The following GRAMD1C variants were observed in gnomAD, a reference collection of about 807,000 sequenced individuals.
GRAMD1C encodes GRAM domain containing 1C.
In GRAMD1C, 89 loss-of-function variants were observed where a neutral mutation model predicts 97.8. The ratio of observed to expected loss-of-function variants is 0.91; its 90% CI spans 0.77 to 1.09. GRAMD1C has a LOEUF of 1.09. GRAMD1C is among the 50% of genes least tolerant of loss of function. The probability of loss-of-function intolerance (pLI) is 0.00; values close to 1 mark genes in which losing one functional copy is unlikely to be tolerated. For synonymous variants in GRAMD1C, 256 were observed against 267.0 expected, an observed-to-expected ratio of 0.96 and a Z score of 0.40; for missense variants, 740 against 766.4, an observed-to-expected ratio of 0.97 and a Z score of 0.41.
intron 2 of GRAMD1C, among the ~76,000 whole-genome samples, chr3:113,861,229 A>G (rs1934363818): frequency 6.6e-6 from 1 of 152,208 alleles, no homozygotes; most frequent in Admixed American, 6.5e-5. Context: ...AGCTAAAACT[A>G]AAACTCTTAG....
intron 6 of GRAMD1C, among the ~76,000 whole-genome samples, chr3:113,892,646 C>T (rs1373223439): frequency 1.3e-5 from 2 of 152,156 alleles, no homozygotes; most frequent in African/African-American, 2.4e-5. Context: ...AGCGCTTCAG[C>T]TTAGTTCACA....
At chr3:113,937,662 T>C (rs1241012457) in intron 14 of GRAMD1C, among the ~76,000 whole-genome samples, 1 of 152,244 alleles carries the variant, frequency 6.6e-6, no homozygotes, top group African/African-American at 2.4e-5. Flanking sequence ...TCTTTACAAA[T>C]AATTTTTAAA....
At position 113,885,555 on chromosome 3, in the gene GRAMD1C, C is replaced by A; in HGVS notation, c.540+2723C>A. On this transcript the variant is annotated intron_variant, in intron 6 of 17. Coordinates refer to ENST00000358160, the MANE Select transcript of GRAMD1C (RefSeq NM_017577.5). Reference sequence around the variant, plus strand: ...ATGGGGTCCTGAGGCCGCAGTCCGGCCTGTTAGGCCTCCTGACTTCATCCT... The same window carrying A: ...ATGGGGTCCTGAGGCCGCAGTCCGGACTGTTAGGCCTCCTGACTTCATCCT... 5 of 1,581,280 alleles carry A rather than the reference C, an allele frequency of 3.2e-6. No homozygotes were observed. The South Asian group carries it at 4.4e-5, about 14-fold the overall frequency.
chr3:113,870,006 G>C (rs1934733285), intron 3 of GRAMD1C, among the ~76,000 whole-genome samples: 1 of 152,102 alleles, frequency 6.6e-6, no homozygotes, highest in Non-Finnish European at 1.5e-5. Flanking sequence ...GGCACAAGAA[G>C]ACAGATATCC....
intron 10 of GRAMD1C, among the ~76,000 whole-genome samples, chr3:113,918,313 A>G (rs925275327): frequency 3.3e-5 from 5 of 152,310 alleles, no homozygotes; most frequent in African/African-American, 1.2e-4. Context: ...TTGATATTTC[A>G]GAAGAACTGG....
intron 2 of GRAMD1C, among the ~76,000 whole-genome samples, chr3:113,853,803 C>A (rs547281162): frequency 1.3e-5 from 2 of 152,018 alleles, no homozygotes. Context: ...GAGGGAGTAG[C>A]ATTTTTAGTT....
At chr3:113,897,544 G>C (rs1231888735) in intron 6 of GRAMD1C, 5 of 983,890 alleles carry the variant, frequency 5.1e-6, no homozygotes, top group Non-Finnish European at 6.0e-6. Flanking sequence ...CTACAACCAG[G>C]AAGTGACAGA....
At chr3:113,913,090 A>G (rs1428120998) in intron 9 of GRAMD1C, 4 of 1,279,158 alleles carry the variant, frequency 3.1e-6, no homozygotes, top group Admixed American at 2.3e-5. Context: ...CTGGGCATGG[A>G]TTAGTCATAC....
At chr3:113,885,825 A>C (rs1289709119) in intron 6 of GRAMD1C, 73 of 1,611,272 alleles carry the variant, frequency 4.5e-5, no homozygotes, top group Non-Finnish European at 6.0e-5. Flanking sequence ...TGTGGTCCAC[A>C]GTGACCTCTC....
At chr3:113,900,681 C>G (rs1936135756) in intron 6 of GRAMD1C, among the ~76,000 whole-genome samples, 1 of 151,774 alleles carries the variant, frequency 6.6e-6, no homozygotes, top group Non-Finnish European at 1.5e-5. Flanking sequence ...CTGCCTCAGC[C>G]TCCCAAAGTG....
At chr3:113,901,409 G>C (rs1936166567) in intron 7 of GRAMD1C, among the ~76,000 whole-genome samples, 1 of 152,166 alleles carries the variant, frequency 6.6e-6, no homozygotes, top group African/African-American at 2.4e-5. Context: ...TGTTTATTAA[G>C]GATCTGGAGA....
chr3:113,833,494 C>T (rs112100232), intron 1 of GRAMD1C, among the ~76,000 whole-genome samples: 2,696 of 152,124 alleles, frequency 0.018, 74 homozygotes, highest in African/African-American at 0.059. Context: ...CCCACCAACA[C>T]CTGCCCAAGG....
chr3:113,934,517 G>T lies in GRAMD1C; in HGVS notation c.1438G>T (p.Asp480Tyr). ...AAAGAATTCCTGGAGTTCTTTGGAG[G>T]ACTATTTCAAACAGCTTGGTTTGTA... ...IEKNSWSSLE[D>Y]YFKQLESDLL... The change falls in exon 13 of 18, where the codon GAC becomes TAC. Residue 480 changes from aspartate (D) to tyrosine (Y), a missense_variant. Coordinates refer to ENST00000358160, the MANE Select transcript of GRAMD1C (RefSeq NM_017577.5). The T allele has an allele frequency of 6.5e-7, 1 of 1,543,398 alleles. No individual in the cohort carries two copies. Among genetic ancestry groups the T allele is most frequent in the Non-Finnish European group, 8.9e-7 (1 of 1,125,562 alleles).
rs575834449 is a variant in GRAMD1C, at chr3:113,878,568, G to A, written c.459+2308G>A. 2.0e-5 allele frequency among the ~76,000 whole-genome samples: 3 copies of A among 152,152 alleles called. No homozygotes were observed. The South Asian group carries it at 6.2e-4, about 32-fold the overall frequency. ...CATATATACACTCACTTATACATCT[G>A]TTTATCCATCTATCCATCCATCCAT... On this transcript the variant is annotated intron_variant, in intron 5 of 17. Coordinates refer to ENST00000358160, the MANE Select transcript of GRAMD1C (RefSeq NM_017577.5).
intron 9 of GRAMD1C, chr3:113,913,018 G>A (rs16861409): frequency 0.12 from 74,944 of 600,306 alleles, 5,558 homozygotes; most frequent in East Asian, 0.27. Flanking sequence ...CATTTGGAAA[G>A]ATGAAGGGTA....
rs180807406 is a variant in GRAMD1C, at chr3:113,934,984, C to T, written c.1456+449C>T. ...GTCTCGAACTCCTGAGCTCATGATC[C>T]ACCCGCCCAGCCTCCCAAAATGCTG... On this transcript the variant is annotated intron_variant, in intron 13 of 17. Transcript: ENST00000358160. 7.1e-3 allele frequency among the ~76,000 whole-genome samples: 1,082 copies of T among 152,178 alleles called. 16 individuals carry two copies. The highest frequency in any genetic ancestry group is 0.024 in the African/African-American group (980 of 41,532).
At chr3:113,905,403 A>G (rs1164830954) in intron 8 of GRAMD1C, among the ~76,000 whole-genome samples, 1 of 152,174 alleles carries the variant, frequency 6.6e-6, no homozygotes, top group African/African-American at 2.4e-5. Flanking sequence ...GAGTACTAGG[A>G]GTGCTCCTAC....
chr3:113,873,459 G>A (rs1468723391), intron 3 of GRAMD1C, among the ~76,000 whole-genome samples: 2 of 152,072 alleles, frequency 1.3e-5, no homozygotes, highest in African/African-American at 2.4e-5. Context: ...ACACACAGAC[G>A]CAACCCAGAA....
At chr3:113,939,759 AAAT>A (rs778497585) in intron 15 of GRAMD1C, 124 bp from the exon 16 acceptor site, 6 of 565,008 alleles carry the variant, frequency 1.1e-5, no homozygotes, top group Middle Eastern at 2.7e-4. Context: ...TAATTGATTT[AAAT>A]AATAACAACA....
Sources: gnomAD v4.1 joint callset for allele counts (sites outside exome capture counted in the v4.1 genomes callset) on GRCh38, gnomAD v4.1.1 for gene constraint, MANE v1.5 for transcripts, NCBI Gene and HGNC (gene_info 2026-07-23, HGNC 2026-07-21) for gene names.